RALGAPA2: variants seen among roughly 807,000 people sequenced by gnomAD.
The protein encoded by RALGAPA2 is ral GTPase-activating protein subunit alpha-2.
A neutral mutation model predicts 230.4 loss-of-function variants in RALGAPA2; 139 were observed. That is an observed-to-expected ratio of 0.60 (90% confidence interval 0.53 to 0.69). The LOEUF (loss-of-function observed/expected upper bound fraction) is 0.69, where lower values mean the gene tolerates loss of function less well. Among genes scored for constraint, RALGAPA2 ranks in the 30% least tolerant of loss-of-function variants. The pLI, the probability that RALGAPA2 is intolerant of heterozygous loss-of-function variation, is 0.00. For missense variants in RALGAPA2, 2,163 were observed against 2,276.0 expected, an observed-to-expected ratio of 0.95 and a Z score of 1.01; for synonymous variants, 847 against 837.8, an observed-to-expected ratio of 1.01 and a Z score of -0.19.
chr20:20,680,353 CTT>C (rs889020110), intron 2 of RALGAPA2, among the ~76,000 whole-genome samples: 1 of 152,196 alleles, frequency 6.6e-6, no homozygotes, highest in African/African-American at 2.4e-5. Flanking sequence ...AAAACAGACA[CTT>C]GAGTGTTCAT....
chr20:20,597,447 C>T (rs1438876689), intron 16 of RALGAPA2, among the ~76,000 whole-genome samples: 1 of 152,092 alleles, frequency 6.6e-6, no homozygotes, highest in East Asian at 1.9e-4. Context: ...AAAACTTCTT[C>T]CCTTAAATTC....
chr20:20,461,239 G>A (rs886723489), intron 37 of RALGAPA2, among the ~76,000 whole-genome samples: 7 of 151,980 alleles, frequency 4.6e-5, no homozygotes, highest in East Asian at 1.9e-4. Flanking sequence ...ATGAGTAAAC[G>A]GTATTTCTGA....
chr20:20,452,165 A>G (rs1391613204), intron 37 of RALGAPA2, among the ~76,000 whole-genome samples: 2 of 152,224 alleles, frequency 1.3e-5, no homozygotes, highest in East Asian at 3.8e-4. Context: ...TTCCCCATAT[A>G]GAGAGGAAAT....
intron 37 of RALGAPA2, among the ~76,000 whole-genome samples, chr20:20,427,581 C>A (rs966275949): frequency 1.3e-5 from 2 of 152,048 alleles, no homozygotes; most frequent in Non-Finnish European, 2.9e-5. Flanking sequence ...TGGTGTACAG[C>A]ACTGGGTGCC....
chr20:20,529,170 G>A (rs1427012920), intron 27 of RALGAPA2, among the ~76,000 whole-genome samples: 2 of 152,192 alleles, frequency 1.3e-5, no homozygotes, highest in African/African-American at 4.8e-5. Context: ...ATTAATAATG[G>A]TTAAAGACAG....
Position 20,511,234 on chromosome 20 carries a change from T to C in RALGAPA2, c.4928+20A>G. 1 of 1,563,450 alleles carries C rather than the reference T, an allele frequency of 6.4e-7. No homozygotes were observed. Among genetic ancestry groups the C allele is most frequent in the Non-Finnish European group, 8.7e-7 (1 of 1,154,364 alleles). On this transcript the variant is annotated intron_variant, in intron 33 of 39. Transcript: ENST00000202677. ...CCAAAGACAAACAGGAAAAAAGTGG[T>C]TTGATATACTTTCACATACCACTGG... is the stretch of plus-strand genomic sequence containing the variant.
chr20:20,699,648 A>G (rs1220168816), intron 1 of RALGAPA2, among the ~76,000 whole-genome samples: 1 of 152,246 alleles, frequency 6.6e-6, no homozygotes, highest in Non-Finnish European at 1.5e-5. Flanking sequence ...ATGGGCAAAG[A>G]CATGAACAGA....
At chr20:20,408,452 T>A (rs146375720) in intron 38 of RALGAPA2, among the ~76,000 whole-genome samples, 1 of 152,384 alleles carries the variant, frequency 6.6e-6, no homozygotes, top group Non-Finnish European at 1.5e-5. Flanking sequence ...TTCCTTTTTT[T>A]CTCTTTTATA....
At chr20:20,413,823 C>A (rs562030990) in intron 37 of RALGAPA2, among the ~76,000 whole-genome samples, 73 of 152,360 alleles carry the variant, frequency 4.8e-4, no homozygotes, top group African/African-American at 1.7e-3. Flanking sequence ...GCAGCATGAG[C>A]CTGAACTGGC....
intron 37 of RALGAPA2, among the ~76,000 whole-genome samples, chr20:20,431,928 T>G (rs985199146): frequency 2.0e-5 from 3 of 152,210 alleles, no homozygotes; most frequent in African/African-American, 7.2e-5. Context: ...AAAGTTGAAG[T>G]AGGGGCTATC....
intron 3 of RALGAPA2, among the ~76,000 whole-genome samples, chr20:20,673,729 C>T (rs928432068): frequency 6.6e-5 from 10 of 152,230 alleles, no homozygotes; most frequent in Admixed American, 2.0e-4. Context: ...TCAATGACAG[C>T]TCATTCCAAT....
chr20:20,710,390 G>C (rs553768063), intron 1 of RALGAPA2, among the ~76,000 whole-genome samples: 2 of 152,066 alleles, frequency 1.3e-5, no homozygotes, highest in Admixed American at 1.3e-4. Context: ...AGTGCATTAC[G>C]TACTACTTTT....
intron 17 of RALGAPA2, 107 bp from the exon 18 acceptor site, chr20:20,589,472 A>C: frequency 1.6e-6 from 2 of 1,235,846 alleles, no homozygotes; most frequent in South Asian, 1.6e-5. Context: ...AAATATTCTA[A>C]GGTATGTAAA....
At chr20:20,512,198 A>G (rs1411166916) in intron 32 of RALGAPA2, among the ~76,000 whole-genome samples, 1 of 150,844 alleles carries the variant, frequency 6.6e-6, no homozygotes, top group Non-Finnish European at 1.5e-5. Context: ...AAAAAACAAA[A>G]AACAAACAAC....
At chr20:20,474,316 A>G (rs1276948346) in intron 36 of RALGAPA2, among the ~76,000 whole-genome samples, 1 of 152,246 alleles carries the variant, frequency 6.6e-6, no homozygotes, top group Non-Finnish European at 1.5e-5. Flanking sequence ...GGAAGAATTA[A>G]GAGCTAAAGT....
chr20:20,638,453 G>T (rs770785413), intron 7 of RALGAPA2, among the ~76,000 whole-genome samples: 10 of 152,162 alleles, frequency 6.6e-5, no homozygotes, highest in African/African-American at 2.4e-4. Flanking sequence ...CATCTCAATC[G>T]ACAGAAGAGA....
intron 20 of RALGAPA2, among the ~76,000 whole-genome samples, chr20:20,581,318 A>G (rs2064976866): frequency 6.6e-6 from 1 of 152,220 alleles, no homozygotes; most frequent in Non-Finnish European, 1.5e-5. Flanking sequence ...ATGTTTAAGT[A>G]AATTCAACCT....
At chr20:20,633,023 CTCTT>C (rs200404728) in intron 9 of RALGAPA2, among the ~76,000 whole-genome samples, 264 of 150,388 alleles carry the variant, frequency 1.8e-3, no homozygotes, top group Middle Eastern at 6.9e-3. Flanking sequence ...CTCTCTCTCT[CTCTT>C]TCTTTCTTTC....
chr20:20,589,882 GA>G lies in RALGAPA2; in HGVS notation c.2342-518del, dbSNP rs1244515960. Among the ~76,000 whole-genome samples, 992 of 122,778 alleles carry G rather than the reference GA, an allele frequency of 8.1e-3. 6 individuals are homozygous for G. Among genetic ancestry groups the G allele is most frequent in the African/African-American group, 0.018 (594 of 33,668 alleles). The allele number at this position is 122,778 out of a possible 152,430, so 80.5% of individuals were successfully genotyped here. ...TGAATAATCTGGGGGCAATAAATTT[GA>G]AAAAAAAAAAAAATTTTTTTCTACA... On this transcript the variant is annotated intron_variant, in intron 17 of 39. Coordinates refer to ENST00000202677, the MANE Select transcript of RALGAPA2 (RefSeq NM_020343.4).
Sources: gnomAD v4.1 joint callset for allele counts (sites outside exome capture counted in the v4.1 genomes callset) on GRCh38, gnomAD v4.1.1 for gene constraint, MANE v1.5 for transcripts, NCBI Gene and HGNC (gene_info 2026-07-23, HGNC 2026-07-21) for gene names.